The following PRH1 variants were observed in gnomAD, a reference collection of about 807,000 sequenced individuals.
The protein encoded by PRH1 is salivary acidic proline-rich phosphoprotein 1/2.
A neutral mutation model predicts 7.9 loss-of-function variants in PRH1; 7 were observed. The ratio of observed to expected loss-of-function variants is 0.89; its 90% CI spans 0.50 to 1.67. PRH1 has a LOEUF of 1.67. PRH1 is among the 40% of genes most tolerant of loss of function. PRH1 has a pLI of 0.00. For synonymous variants in PRH1, 45 were observed against 80.8 expected, an observed-to-expected ratio of 0.56 and a Z score of 2.38; for missense variants, 109 against 223.6, an observed-to-expected ratio of 0.49 and a Z score of 3.27.
chr12:10,930,217 T>C (rs1486321638), intron 2 of PRH1: 33 of 1,581,228 alleles, frequency 2.1e-5, no homozygotes, highest in Admixed American at 6.7e-5. Flanking sequence ...CACTATGAGC[T>C]CTGAATGATT....
At chr12:11,013,821 C>T (rs984632780) in intron 1 of PRH1, among the ~76,000 whole-genome samples, 5 of 152,050 alleles carry the variant, frequency 3.3e-5, no homozygotes, top group African/African-American at 1.2e-4. Context: ...TCTATAGCTC[C>T]CAGCCTCAAT....
At chr12:10,883,668 T>G (rs371693937) in intron 1 of PRH1, among the ~76,000 whole-genome samples, 7 of 152,266 alleles carry the variant, frequency 4.6e-5, no homozygotes, top group Admixed American at 2.0e-4. Flanking sequence ...GACAGAAAAA[T>G]GACAATGTTT....
At chr12:11,056,291 T>C (rs908598764) in intron 1 of PRH1, among the ~76,000 whole-genome samples, 6 of 152,268 alleles carry the variant, frequency 3.9e-5, no homozygotes, top group African/African-American at 1.2e-4. Flanking sequence ...TGTGTATGAA[T>C]AGTCAGTTGT....
At chr12:11,049,744 A>G (rs1943064893), upstream of PRH1, among the ~76,000 whole-genome samples, 1 of 152,232 alleles carries the variant, frequency 6.6e-6, no homozygotes, top group Non-Finnish European at 1.5e-5. Flanking sequence ...GGTCATAACT[A>G]GGATAATACC....
intron 1 of PRH1, among the ~76,000 whole-genome samples, chr12:10,981,200 T>C (rs1939333052): frequency 1.3e-5 from 2 of 152,088 alleles, no homozygotes; most frequent in Non-Finnish European, 2.9e-5. Flanking sequence ...TATGTTGCTT[T>C]CTCAAAGACC....
At chr12:10,885,373 A>G (rs1949475327), upstream of PRH1, among the ~76,000 whole-genome samples, 1 of 151,902 alleles carries the variant, frequency 6.6e-6, no homozygotes, top group Non-Finnish European at 1.5e-5. Flanking sequence ...CTACCTTGCC[A>G]TGTTTACTTT....
intron 1 of PRH1, among the ~76,000 whole-genome samples, chr12:10,999,624 C>T (rs762106494): frequency 3.9e-5 from 6 of 152,146 alleles, no homozygotes; most frequent in African/African-American, 1.4e-4. Flanking sequence ...ACATGGAACA[C>T]TGCAAACAGA....
chr12:11,099,451 G>A (rs1182962128), intron 1 of PRH1, among the ~76,000 whole-genome samples: 1 of 152,068 alleles, frequency 6.6e-6, no homozygotes, highest in African/African-American at 2.4e-5. Context: ...TCCAGGCCAG[G>A]TGTGGAGGAG....
At chr12:11,072,595 T>G (rs1182941577) in intron 1 of PRH1, among the ~76,000 whole-genome samples, 2 of 152,218 alleles carry the variant, frequency 1.3e-5, no homozygotes, top group Non-Finnish European at 2.9e-5. Context: ...TTACAGGGGA[T>G]GGTAGTCTTT....
chr12:11,062,917 AT>A (rs1376354245), intron 1 of PRH1, among the ~76,000 whole-genome samples: 8 of 152,072 alleles, frequency 5.3e-5, no homozygotes, highest in Non-Finnish European at 1.5e-5. Context: ...TAACTTCATT[AT>A]TCACAAGCTC....
chr12:11,123,361 T>G (rs2597936), intron 1 of PRH1, among the ~76,000 whole-genome samples: 68,198 of 151,172 alleles, frequency 0.45, 15,943 homozygotes, highest in Non-Finnish European at 0.52. Context: ...ATACGGTCCT[T>G]GATTATGATA....
chr12:10,966,943 G>A (rs1036220098), intron 2 of PRH1, among the ~76,000 whole-genome samples: 3 of 152,036 alleles, frequency 2.0e-5, no homozygotes, highest in Admixed American at 6.6e-5. Context: ...GTGAAACCCC[G>A]TCTCTACAAA....
chr12:11,004,813 T>C (rs545595024), intron 1 of PRH1, among the ~76,000 whole-genome samples: 2 of 152,072 alleles, frequency 1.3e-5, no homozygotes, highest in Non-Finnish European at 2.9e-5. Context: ...CATGGCATAT[T>C]GTAGGGGAAA....
At chr12:11,036,961 C>T (rs549711098) in intron 1 of PRH1, among the ~76,000 whole-genome samples, 24 of 152,314 alleles carry the variant, frequency 1.6e-4, no homozygotes, top group Middle Eastern at 3.4e-3. Context: ...CTCATGGCCT[C>T]ATGATTCTTC....
intron 1 of PRH1, among the ~76,000 whole-genome samples, chr12:11,008,415 G>A (rs1048980123): frequency 3.3e-5 from 5 of 152,046 alleles, no homozygotes; most frequent in African/African-American, 1.2e-4. Flanking sequence ...TAACCATCAT[G>A]TAGGGCAAGA....
chr12:11,023,287 A>G (rs1941750510), intron 1 of PRH1, among the ~76,000 whole-genome samples: 2 of 152,156 alleles, frequency 1.3e-5, no homozygotes, highest in South Asian at 4.1e-4. Flanking sequence ...TTTTCTTATA[A>G]TTCCCCAAAT....
chr12:11,030,695 T>C (rs766221319), intron 1 of PRH1: 1 of 1,614,184 alleles, frequency 6.2e-7, no homozygotes, highest in South Asian at 1.1e-5. Context: ...TTGAGATCCT[T>C]TACCATGGAG....
intron 1 of PRH1, chr12:11,062,044 G>A (rs1286637750): frequency 6.2e-7 from 1 of 1,613,732 alleles, no homozygotes; most frequent in South Asian, 1.1e-5. Context: ...GACATTGTAA[G>A]CAGTAATTCT....
intron 1 of PRH1, among the ~76,000 whole-genome samples, chr12:10,981,704 T>G (rs905818027): frequency 6.6e-6 from 1 of 151,906 alleles, no homozygotes; most frequent in African/African-American, 2.4e-5. Flanking sequence ...TGTTTTTGTT[T>G]GTTTCTTTTT....
Sources: gnomAD v4.1 joint callset for allele counts (sites outside exome capture counted in the v4.1 genomes callset) on GRCh38, gnomAD v4.1.1 for gene constraint, MANE v1.5 for transcripts, NCBI Gene and HGNC (gene_info 2026-07-23, HGNC 2026-07-21) for gene names.